The following RAB3B variants were observed in gnomAD, a reference collection of about 807,000 sequenced individuals.
RAB3B encodes RAB3B, member RAS oncogene family.
RAB3B carries 11 observed loss-of-function variants against 20.5 expected under a neutral mutation model. That is an observed-to-expected ratio of 0.54 (90% confidence interval 0.34 to 0.89). The LOEUF (loss-of-function observed/expected upper bound fraction) is 0.89. Ranked by LOEUF, RAB3B falls within the 40% of genes least tolerant of loss-of-function variation. The pLI, the probability that RAB3B is intolerant of heterozygous loss-of-function variation, is 0.02. For synonymous variants in RAB3B, 99 were observed against 106.3 expected, an observed-to-expected ratio of 0.93 and a Z score of 0.42; for missense variants, 225 against 280.9, an observed-to-expected ratio of 0.80 and a Z score of 1.42.
intron 3 of RAB3B, among the ~76,000 whole-genome samples, chr1:51,934,236 T>C (rs1346686970): frequency 6.6e-6 from 1 of 152,162 alleles, no homozygotes; most frequent in African/African-American, 2.4e-5. Flanking sequence ...AGCTCTTCCA[T>C]GGCTTGTGCT....
intron 2 of RAB3B, among the ~76,000 whole-genome samples, chr1:51,943,394 TAACAACAACAAC>T (rs926884803): frequency 2.0e-4 from 10 of 50,100 alleles, no homozygotes; most frequent in Non-Finnish European, 2.6e-4. Flanking sequence ...AAAATAATAA[TAACAACAACAAC>T]AACAACAACA....
intron 2 of RAB3B, among the ~76,000 whole-genome samples, chr1:51,958,452 G>T (rs779312789): frequency 3.3e-5 from 5 of 152,114 alleles, no homozygotes; most frequent in African/African-American, 1.2e-4. Flanking sequence ...GGCCGGGCGC[G>T]GTGGCTCATG....
chr1:51,921,932 C>T (rs1025489540), intron 4 of RAB3B, among the ~76,000 whole-genome samples: 1 of 152,174 alleles, frequency 6.6e-6, no homozygotes, highest in Non-Finnish European at 1.5e-5. Flanking sequence ...CAGGTATAAA[C>T]AAGGCCTCTC....
At chr1:51,923,020 A>C (rs184030999) in intron 4 of RAB3B, among the ~76,000 whole-genome samples, 1 of 152,190 alleles carries the variant, frequency 6.6e-6, no homozygotes, top group East Asian at 1.9e-4. Context: ...TTGAGCATTG[A>C]CCTTGTGCCA....
At chr1:51,953,753 G>A (rs1266731165) in intron 2 of RAB3B, among the ~76,000 whole-genome samples, 2 of 152,096 alleles carry the variant, frequency 1.3e-5, no homozygotes, top group Non-Finnish European at 2.9e-5. Flanking sequence ...GTGAGCCAAG[G>A]TCGTGCCACT....
chr1:51,944,160 C>T (rs1684532089), intron 2 of RAB3B, among the ~76,000 whole-genome samples: 2 of 152,070 alleles, frequency 1.3e-5, no homozygotes, highest in Admixed American at 6.6e-5. Context: ...ATCCAAGGGC[C>T]CCTCAAAACT....
chr1:51,943,733 G>T (rs1197212500), intron 2 of RAB3B, among the ~76,000 whole-genome samples: 2 of 152,310 alleles, frequency 1.3e-5, no homozygotes, highest in East Asian at 3.9e-4. Context: ...CTTTCCTTAA[G>T]CCAAAGCCTA....
rs1006521400 is a variant in RAB3B, at chr1:51,911,964, G to A, written c.*7963C>T. The A allele has an allele frequency of 1.3e-5, 2 of 152,070 alleles. No individual in the cohort carries two copies. Among genetic ancestry groups the A allele is most frequent in the Non-Finnish European group, 2.9e-5 (2 of 68,030 alleles). 9.4% of individuals were successfully genotyped at this position (152,070 alleles called of 1,614,324 possible). ...AGAAACAAGGAGAGAGGTGACAGCT[G>A]CTTATTACAGGAAATGATTTACCAG... On this transcript the variant is annotated 3_prime_UTR_variant, in exon 5 of 5. Transcript: ENST00000371655.
At chr1:51,929,847 T>C (rs1283876968) in intron 4 of RAB3B, among the ~76,000 whole-genome samples, 2 of 152,222 alleles carry the variant, frequency 1.3e-5, no homozygotes, top group South Asian at 2.1e-4. Flanking sequence ...TGCAGCTGTT[T>C]GTTCATCATT....
rs1684100858 is a variant in RAB3B at position 51,917,375 on chromosome 1, T to G, written c.*2552A>C. 6.6e-6 allele frequency: 1 copy of G among 151,966 alleles called. No homozygotes were observed. The highest frequency in any genetic ancestry group is 1.5e-5 in the Non-Finnish European group (1 of 68,000). 9.4% of individuals were successfully genotyped at this position (151,966 alleles called of 1,614,324 possible). A position where few individuals can be genotyped will look rare whatever the true frequency, so the allele number is the denominator to read the frequency against. On this transcript the variant is annotated 3_prime_UTR_variant, in exon 5 of 5. Coordinates refer to ENST00000371655, the MANE Select transcript of RAB3B (RefSeq NM_002867.4). ...GACCTTAAAGATCATCCAAATAAGC[T>G]CCCTCATTTTATAAGTAGGAAATCA...
intron 2 of RAB3B, among the ~76,000 whole-genome samples, chr1:51,958,087 G>A (rs4604646): frequency 0.81 from 122,860 of 152,146 alleles, 50,727 homozygotes; most frequent in East Asian, 1. Context: ...AAGAACCTGA[G>A]GGGTTCAGCC....
At chr1:51,932,634 A>G (rs1294689595) in intron 4 of RAB3B, among the ~76,000 whole-genome samples, 4 of 152,228 alleles carry the variant, frequency 2.6e-5, no homozygotes, top group African/African-American at 4.8e-5. Context: ...GGTGAGAAGC[A>G]TGAATTTGCA....
At position 51,908,981 on chromosome 1, in the gene RAB3B, A is replaced by G. The variant is rs967309295; in HGVS notation, c.*10946T>C. 2 of 152,432 alleles carry G rather than the reference A, an allele frequency of 1.3e-5. No homozygotes were observed. Among genetic ancestry groups the G allele is most frequent in the African/African-American group, 4.8e-5 (2 of 41,446 alleles). The allele number at this position is 152,432 out of a possible 1,614,324, so 9.4% of individuals were successfully genotyped here. On this transcript the variant is annotated 3_prime_UTR_variant, in exon 5 of 5. Transcript: ENST00000371655. ...TGTTATAATATTTGAATCACGGTGC[A>G]TACAAACTCTCCTGCCTGCTCCTCC...
intron 2 of RAB3B, among the ~76,000 whole-genome samples, chr1:51,945,790 T>C (rs1003819753): frequency 6.6e-6 from 1 of 152,212 alleles, no homozygotes; most frequent in Non-Finnish European, 1.5e-5. Context: ...ATGTTTCCCT[T>C]AAAGAGTAGC....
intron 2 of RAB3B, among the ~76,000 whole-genome samples, chr1:51,941,527 G>A (rs1571964282): frequency 1.3e-5 from 2 of 152,124 alleles, no homozygotes; most frequent in East Asian, 3.9e-4. Context: ...GATTCATTGA[G>A]GTATTTAAGA....
intron 3 of RAB3B, among the ~76,000 whole-genome samples, chr1:51,934,775 CAA>C (rs34750673): frequency 0.023 from 1,577 of 69,836 alleles, 15 homozygotes; most frequent in African/African-American, 0.086. Context: ...GACTCCATCT[CAA>C]AAAAAAAAAA....
chr1:51,949,272 C>T (rs1684603696), intron 2 of RAB3B, among the ~76,000 whole-genome samples: 1 of 152,240 alleles, frequency 6.6e-6, no homozygotes, highest in African/African-American at 2.4e-5. Flanking sequence ...AATTCACAAA[C>T]ATATTCAAAG....
chr1:51,989,208 TTGTGTGTGTGTGTGTG>T (rs60661761), intron 1 of RAB3B, among the ~76,000 whole-genome samples: 16 of 99,820 alleles, frequency 1.6e-4, no homozygotes, highest in South Asian at 4.0e-4. Context: ...CCATCTTGTT[TTGTGTGTGTGTGTGTG>T]TGTGTGTGTG....
intron 2 of RAB3B, among the ~76,000 whole-genome samples, chr1:51,965,540 G>A (rs767270342): frequency 6.6e-6 from 1 of 151,608 alleles, no homozygotes; most frequent in Non-Finnish European, 1.5e-5. Flanking sequence ...CCAGCTACTC[G>A]GGAGGCTGAG....
Sources: allele counts gnomAD v4.1 joint callset (sites outside exome capture counted in the v4.1 genomes callset), GRCh38; gene constraint gnomAD v4.1.1; transcripts MANE v1.5; gene names NCBI Gene and HGNC (gene_info 2026-07-23, HGNC 2026-07-21).